CDC42: variants seen among roughly 807,000 people sequenced by gnomAD.
CDC42 encodes the protein cell division control protein 42 homolog.
A neutral mutation model predicts 20.8 loss-of-function variants in CDC42; 1 was observed. The ratio of observed to expected loss-of-function variants is 0.05; its 90% CI spans 0.02 to 0.23. CDC42 has a LOEUF of 0.23. CDC42 is among the 10% of genes least tolerant of loss of function. The pLI is 1.00. For synonymous variants in CDC42, 72 were observed against 84.8 expected, an observed-to-expected ratio of 0.85 and a Z score of 0.83; for missense variants, 49 against 227.9, an observed-to-expected ratio of 0.21 and a Z score of 5.05.
At chr1:22,073,666 TA>T (rs796729775) in intron 1 of CDC42, among the ~76,000 whole-genome samples, 1 of 152,240 alleles carries the variant, frequency 6.6e-6, no homozygotes, top group Non-Finnish European at 1.5e-5. Flanking sequence ...AGAATCATTT[TA>T]AAAAAAATAT....
rs1300045181 is a variant in CDC42 at position 22,098,694 on chromosome 1, C to T, written c.*7177C>T. Among the ~76,000 whole-genome samples, 2 of 152,120 alleles carry T rather than the reference C, an allele frequency of 1.3e-5. No individual in the cohort carries two copies. The highest frequency in any genetic ancestry group is 2.9e-5 in the Non-Finnish European group (2 of 68,010). ...TGAAAACCATGACATGAGATGATTT[C>T]TTAAGGTTTTATTTGTGTCAGACAT... On this transcript the variant is annotated 3_prime_UTR_variant, in exon 6 of 6. Transcript: ENST00000656825.
chr1:22,095,362 C>T lies in CDC42; in HGVS notation c.*3845C>T, dbSNP rs1362809536. On this transcript the variant is annotated 3_prime_UTR_variant, in exon 6 of 6. Transcript: ENST00000656825. ...TCGGCTCATTGCAAGCTCCGCCTCCCGGGTTCACACCATTCTCCTGCCTCA... is the reference window on the plus strand; with the variant it reads ...TCGGCTCATTGCAAGCTCCGCCTCCTGGGTTCACACCATTCTCCTGCCTCA... 2.0e-5 allele frequency among the ~76,000 whole-genome samples: 3 copies of T among 152,056 alleles called. No homozygotes were observed. The highest frequency in any genetic ancestry group is 2.9e-5 in the Non-Finnish European group (2 of 68,000).
chr1:22,096,932 T>C lies in CDC42; in HGVS notation c.*5415T>C, dbSNP rs577989168. Among the ~76,000 whole-genome samples the C allele has an allele frequency of 1.3e-5, 2 of 152,392 alleles. No homozygotes were observed. Among genetic ancestry groups the C allele is most frequent in the South Asian group, 2.1e-4 (1 of 4,834 alleles). ...TGCAGTGCACAACTTGGACAGTTCA[T>C]ACACAATGTTGTATTGAGATGATTG... On this transcript the variant is annotated 3_prime_UTR_variant, in exon 6 of 6. Transcript: ENST00000656825.
At chr1:22,055,609 C>T (rs1423473765) in intron 1 of CDC42, among the ~76,000 whole-genome samples, 1 of 151,840 alleles carries the variant, frequency 6.6e-6, no homozygotes, top group Non-Finnish European at 1.5e-5. Flanking sequence ...TCCACCTCAG[C>T]CTCTGCAGTA....
chr1:22,081,581 A>T, intron 2 of CDC42, 141 bp from the exon 3 acceptor site: 1 of 598,244 alleles, frequency 1.7e-6, no homozygotes, highest in Admixed American at 3.1e-5. Context: ...CTGGTTGGCA[A>T]GATTGGTTAT....
At chr1:22,072,472 C>T (rs912976181) in intron 1 of CDC42, among the ~76,000 whole-genome samples, 2 of 152,034 alleles carry the variant, frequency 1.3e-5, no homozygotes, top group East Asian at 1.9e-4. Flanking sequence ...ACATAGGGCA[C>T]GGTTGTGGGT....
At chr1:22,054,860 C>G in intron 1 of CDC42, among the ~76,000 whole-genome samples, 1 of 119,798 alleles carries the variant, frequency 8.3e-6, no homozygotes, top group East Asian at 2.4e-4. Context: ...TGTATCTTTC[C>G]TTTTAGAAAG....
intron 2 of CDC42, among the ~76,000 whole-genome samples, chr1:22,079,265 A>G (rs1645584212): frequency 6.6e-6 from 1 of 150,610 alleles, no homozygotes; most frequent in South Asian, 2.1e-4. Flanking sequence ...CAGCCTCCTG[A>G]GTAGCTGGGA....
rs1446992141 is a variant in CDC42 at position 22,096,878 on chromosome 1, A to G, written c.*5361A>G. Among the ~76,000 whole-genome samples the G allele has an allele frequency of 6.6e-6, 1 of 152,266 alleles. No homozygotes were observed. The highest frequency in any genetic ancestry group is 1.5e-5 in the Non-Finnish European group (1 of 68,052). On this transcript the variant is annotated 3_prime_UTR_variant, in exon 6 of 6. Transcript: ENST00000656825. The stretch of plus-strand genomic sequence containing the variant: ...ATACACAGATCTATTTTGTGAGCAA[A>G]TAGTACTGCCTTGGATGTGGTACCC...
Position 22,094,302 on chromosome 1 carries a change from T to TTTTTTTTTTG in CDC42, c.*2794_*2795insGTTTTTTTTT, listed in dbSNP as rs1645741698. Among the ~76,000 whole-genome samples, 1 of 45,922 alleles carries TTTTTTTTTTG rather than the reference T, an allele frequency of 2.2e-5. No individual in the cohort carries two copies. Among genetic ancestry groups the TTTTTTTTTTG allele is most frequent in the Admixed American group, 2.7e-4 (1 of 3,746 alleles). The allele number at this position is 45,922 out of a possible 152,430, so 30.1% of individuals were successfully genotyped here. On this transcript the variant is annotated 3_prime_UTR_variant, in exon 6 of 6. Coordinates refer to ENST00000656825, the MANE Select transcript of CDC42 (RefSeq NM_001791.4). ...GAACATCCTAGAAATAGATTTTTTTTTTTTTTTTTTTTTGAGACGGAGTCT... is the reference window on the plus strand; with the variant it reads ...GAACATCCTAGAAATAGATTTTTTTTTTTTTTTTTGTTTTTTTTTTTTTGAGACGGAGTCT...
chr1:22,056,797 C>T (rs1188808641), intron 1 of CDC42, among the ~76,000 whole-genome samples: 1 of 152,222 alleles, frequency 6.6e-6, no homozygotes, highest in African/African-American at 2.4e-5. Context: ...TGGCATTAGC[C>T]ATTATACTAA....
At chr1:22,082,137 A>AT (rs1279051615) in intron 3 of CDC42, among the ~76,000 whole-genome samples, 1 of 152,166 alleles carries the variant, frequency 6.6e-6, no homozygotes, top group Non-Finnish European at 1.5e-5. Flanking sequence ...AAGGGAATGA[A>AT]TTCATAGGAA....
At chr1:22,076,587 C>T (rs1368261139) in intron 1 of CDC42, among the ~76,000 whole-genome samples, 1 of 152,172 alleles carries the variant, frequency 6.6e-6, no homozygotes, top group Admixed American at 6.6e-5. Context: ...ACAGCACATA[C>T]TTCATAGGCT....
rs1425519021 is a variant in CDC42, at chr1:22,097,932, A to G, written c.*6415A>G. Among the ~76,000 whole-genome samples, 1 of 152,236 alleles carries G rather than the reference A, an allele frequency of 6.6e-6. No individual in the cohort carries two copies. Among genetic ancestry groups the G allele is most frequent in the Non-Finnish European group, 1.5e-5 (1 of 68,044 alleles). ...TCGATGGATTTTGGGTCCACCATGC[A>G]TCTCTGAAGTAGAAGTGACAGATTT... is the stretch of plus-strand genomic sequence containing the variant. On this transcript the variant is annotated 3_prime_UTR_variant, in exon 6 of 6. Coordinates refer to ENST00000656825, the MANE Select transcript of CDC42 (RefSeq NM_001791.4).
At chr1:22,063,742 CAG>C (rs1292608742) in intron 1 of CDC42, among the ~76,000 whole-genome samples, 7 of 151,680 alleles carry the variant, frequency 4.6e-5, no homozygotes, top group Non-Finnish European at 1.0e-4. Flanking sequence ...TTTTTTGAGA[CAG>C]AGTCTTGCTC....
At chr1:22,078,064 A>G (rs1348376012) in intron 1 of CDC42, among the ~76,000 whole-genome samples, 1 of 152,212 alleles carries the variant, frequency 6.6e-6, no homozygotes, top group Non-Finnish European at 1.5e-5. Flanking sequence ...GCATACATAC[A>G]GGTGTGTGTG....
At position 22,098,332 on chromosome 1, in the gene CDC42, G is replaced by A. The variant is rs555718358; in HGVS notation, c.*6815G>A. ...TTCCTGGTTGGTGAACAATTAGATG[G>A]GAAGGCTGAAAAAAAAAATACTCCT... On this transcript the variant is annotated 3_prime_UTR_variant, in exon 6 of 6. Transcript: ENST00000656825. Among the ~76,000 whole-genome samples, 1 of 147,708 alleles carries A rather than the reference G, an allele frequency of 6.8e-6. No individual in the cohort carries two copies. Among genetic ancestry groups the A allele is most frequent in the Non-Finnish European group, 1.5e-5 (1 of 66,540 alleles).
At chr1:22,087,180 A>G (rs773178482) in intron 5 of CDC42, among the ~76,000 whole-genome samples, 20 of 147,120 alleles carry the variant, frequency 1.4e-4, no homozygotes, top group Admixed American at 2.7e-4. Flanking sequence ...GATGTGAATG[A>G]TTTTTTTTTT....
At chr1:22,059,973 C>G (rs899169629) in intron 1 of CDC42, among the ~76,000 whole-genome samples, 1 of 152,172 alleles carries the variant, frequency 6.6e-6, no homozygotes, top group Non-Finnish European at 1.5e-5. Context: ...TCAGGAACAC[C>G]TGTGTTTATT....
Sources: allele counts gnomAD v4.1 joint callset (sites outside exome capture counted in the v4.1 genomes callset), GRCh38; gene constraint gnomAD v4.1.1; transcripts MANE v1.5; gene names NCBI Gene and HGNC (gene_info 2026-07-23, HGNC 2026-07-21).